Variants in SYNE1 observed in about 807,000 individuals in gnomAD.
SYNE1 encodes nesprin-1.
In SYNE1, 616 loss-of-function variants were observed where a neutral mutation model predicts 1,111.0. That is an observed-to-expected ratio of 0.55 (90% CI 0.52 to 0.59). SYNE1 has a LOEUF of 0.59. SYNE1 is among the 20% of genes least tolerant of loss of function. The probability of loss-of-function intolerance (pLI) is 0.00; values close to 1 mark genes in which losing one functional copy is unlikely to be tolerated. For synonymous variants in SYNE1, 3,855 were observed against 3,825.8 expected (o/e 1.01, Z -0.28); for missense variants, 10,006 against 10,417.0 (o/e 0.96, Z 1.72).
At chr6:152,502,564 A>C in intron 10 of SYNE1, 69 bp downstream of exon 10, 1 of 1,196,320 alleles carries the variant, frequency 8.4e-7, no homozygotes, top group South Asian at 1.2e-5. Context: ...TTTTGAGAAC[A>C]GTATACTCAA....
intron 4 of SYNE1, among the ~76,000 whole-genome samples, chr6:152,535,160 A>G (rs1471506164): frequency 6.6e-6 from 1 of 152,220 alleles, no homozygotes; most frequent in African/African-American, 2.4e-5. Context: ...TTGGACACAG[A>G]CATGCACAGA....
At chr6:152,243,312 A>T (rs2086241281) in intron 106 of SYNE1, among the ~76,000 whole-genome samples, 1 of 152,234 alleles carries the variant, frequency 6.6e-6, no homozygotes, top group Non-Finnish European at 1.5e-5. Flanking sequence ...AGAGCTAGAG[A>T]AATAGGGGAG....
chr6:152,310,437 C>A lies in SYNE1; in HGVS notation c.16978G>T (p.Val5660Phe). 1 of 1,614,182 alleles carries A rather than the reference C, an allele frequency of 6.2e-7. No individual in the cohort carries two copies. The highest frequency in any genetic ancestry group is 8.5e-7 in the Non-Finnish European group (1 of 1,180,038). ...TGCTCCTTGAGACTGAGACGTCCAA[C>A]TTCTGGAGAAGTCAGTGTTGCCTGG... ...QAQATLTSPE[V>F]GRLSLKEQLS... The change falls in exon 89 of 146, where the codon GTT (valine) becomes TTT (phenylalanine). Residue 5660 changes from valine (V) to phenylalanine (F), a missense_variant. Val to Phe is a conservative substitution (Grantham distance 50). Around this residue, in one of 7 missense-constraint regions of SYNE1, gnomAD observed 4,955 missense variants for 5,017.2 expected, o/e 0.99. Transcript: ENST00000367255.
At chr6:152,432,833 C>G (rs961713237) in intron 34 of SYNE1, among the ~76,000 whole-genome samples, 1 of 151,996 alleles carries the variant, frequency 6.6e-6, no homozygotes, top group African/African-American at 2.4e-5. Context: ...TCCATGGCCT[C>G]ACATCTATTT....
At chr6:152,314,991 C>CA (rs527582697) in intron 87 of SYNE1, among the ~76,000 whole-genome samples, 288 of 142,972 alleles carry the variant, frequency 2.0e-3, no homozygotes, top group African/African-American at 6.9e-3. Context: ...AATGCTGTCT[C>CA]AAAAAAGAAA....
chr6:152,482,905 C>G (rs538358019), intron 14 of SYNE1, among the ~76,000 whole-genome samples, 180 bp downstream of exon 14: 1 of 152,178 alleles, frequency 6.6e-6, no homozygotes, highest in Non-Finnish European at 1.5e-5. Flanking sequence ...CCACTGGAAC[C>G]GTCATTAACC....
intron 3 of SYNE1, chr6:152,546,890 A>C (rs1412399015): frequency 2.6e-5 from 4 of 152,310 alleles, no homozygotes; most frequent in African/African-American, 9.6e-5. Flanking sequence ...TGAATGAAAT[A>C]ACCATTTTTC....
chr6:152,362,133 G>A (rs1167270767), intron 64 of SYNE1, 37 bp downstream of exon 64: 1 of 1,614,136 alleles, frequency 6.2e-7, no homozygotes, highest in Non-Finnish European at 8.5e-7. Flanking sequence ...AAAGAAGCCT[G>A]TGAGAAAACA....
chr6:152,452,834 G>A (rs2098662263), intron 25 of SYNE1, among the ~76,000 whole-genome samples: 1 of 152,138 alleles, frequency 6.6e-6, no homozygotes, highest in African/African-American at 2.4e-5. Context: ...AAAGTCAGAC[G>A]GAAGCCCGCG....
chr6:152,460,170 G>A (rs1320120242), intron 21 of SYNE1, among the ~76,000 whole-genome samples: 1 of 152,196 alleles, frequency 6.6e-6, no homozygotes, highest in Non-Finnish European at 1.5e-5. Flanking sequence ...CTCAGGCTAA[G>A]ATGTGCAAGC....
chr6:152,246,898 C>A (rs1478381305), intron 105 of SYNE1, among the ~76,000 whole-genome samples: 1 of 151,926 alleles, frequency 6.6e-6, no homozygotes, highest in Non-Finnish European at 1.5e-5. Flanking sequence ...AACAAATGAC[C>A]CTGAAGGATC....
chr6:152,458,815 A>G lies in SYNE1; in HGVS notation c.2510T>C (p.Ile837Thr), dbSNP rs2098713777. 3 of 1,613,940 alleles carry G rather than the reference A, an allele frequency of 1.9e-6. No homozygotes were observed. Among genetic ancestry groups the G allele is most frequent in the African/African-American group, 1.3e-5 (1 of 74,916 alleles). Residue 837 changes from isoleucine to threonine, a missense_variant, in exon 22 of 146, where the codon ATT becomes ACT. Ile to Thr is a moderately conservative substitution (Grantham distance 89). Around this residue, in one of 7 missense-constraint regions of SYNE1, gnomAD observed 1,971 missense variants for 2,084.1 expected, o/e 0.95. Transcript: ENST00000367255. ...FYDSLGKINE[I>T]ITVLEREAQS... The stretch of plus-strand genomic sequence containing the variant: ...TGCCTCACGCTCAAGAACTGTGATA[A>G]TTTCATTGATTTTCCCAAGTGAGTC...
chr6:152,324,680 G>A (rs1017555604), intron 81 of SYNE1, among the ~76,000 whole-genome samples: 3 of 151,770 alleles, frequency 2.0e-5, no homozygotes, highest in Admixed American at 2.0e-4. Context: ...TGTAGTCCCA[G>A]CTACTCGCTA....
In SYNE1 at chr6:152,310,735, G is replaced by T; in HGVS notation, c.16849C>A (p.Arg5617=). 1 of 1,612,960 alleles carries T rather than the reference G, an allele frequency of 6.2e-7. No individual in the cohort carries two copies. The highest frequency in any genetic ancestry group is 8.5e-7 in the Non-Finnish European group (1 of 1,179,856). ...AELGRETEEL[R]QMIKIRLQNL... is the part of the protein sequence containing the mutation. ...TGCAAACGAATTTTGATCATCTGTC[G>T]CAACTCCTCAGTCTCCCGTCCCAGT... Residue 5617 remains arginine (R), a synonymous_variant, in exon 88 of 146, where the codon CGA becomes AGA. Coordinates refer to ENST00000367255, the MANE Select transcript of SYNE1 (RefSeq NM_182961.4).
At chr6:152,346,756 G>A (rs924851216) in intron 73 of SYNE1, among the ~76,000 whole-genome samples, 2 of 152,090 alleles carry the variant, frequency 1.3e-5, no homozygotes, top group Admixed American at 6.5e-5. Context: ...CTTGCAGTGA[G>A]CCGAGATCGC....
rs756496542 is a variant in SYNE1 at position 152,331,814 on chromosome 6, C to A, written c.12871G>T (p.Ala4291Ser). 5.0e-6 allele frequency: 8 copies of A among 1,614,054 alleles called. No homozygotes were observed. Among genetic ancestry groups the A allele is most frequent in the Middle Eastern group, 1.6e-4 (1 of 6,084 alleles). The change falls in exon 78 of 146, where the codon GCT becomes TCT. Residue 4291 changes from alanine (A) to serine (S), a missense_variant. By Grantham distance (99) the Ala-to-Ser change is moderately conservative (BLOSUM62 1). Around this residue, in one of 7 missense-constraint regions of SYNE1, gnomAD observed 4,955 missense variants for 5,017.2 expected, o/e 0.99. Coordinates refer to ENST00000367255, the MANE Select transcript of SYNE1 (RefSeq NM_182961.4). ...LALALQERKY[A>S]IEDLKDQKQK... Reference sequence around the variant, plus strand: ...TTTTGATCTTTCAGATCTTCAATAGCATACTTTCTCTCCTGCAATGCCAAT... The same window carrying A: ...TTTTGATCTTTCAGATCTTCAATAGAATACTTTCTCTCCTGCAATGCCAAT...
chr6:152,454,384 G>A (rs978118724), intron 24 of SYNE1, among the ~76,000 whole-genome samples: 3 of 152,118 alleles, frequency 2.0e-5, no homozygotes, highest in Admixed American at 1.3e-4. Flanking sequence ...TTATGAGGAG[G>A]GACACCAGAA....
chr6:152,294,716 G>C (rs2094783317), intron 93 of SYNE1, among the ~76,000 whole-genome samples: 1 of 151,766 alleles, frequency 6.6e-6, no homozygotes, highest in African/African-American at 2.4e-5. Flanking sequence ...TTTCCTAAAA[G>C]TATACACACA....
At position 152,526,282 on chromosome 6, in the gene SYNE1, G is replaced by C. The variant is rs1197641172; in HGVS notation, c.130-107C>G. The C allele has an allele frequency of 1.9e-5, 20 of 1,080,772 alleles. No individual in the cohort carries two copies. In the Middle Eastern group the frequency reaches 6.4e-4, roughly 35 times the overall value. 66.9% of individuals were successfully genotyped at this position (1,080,772 alleles called of 1,614,324 possible). ...TATGGTGGTGAAATTTGTAGGAGAG[G>C]CTTCTATATACTTTAATTCTTTATT... On this transcript the variant is annotated intron_variant, in intron 4 of 145. Coordinates refer to ENST00000367255, the MANE Select transcript of SYNE1 (RefSeq NM_182961.4).
Sources: gnomAD v4.1 joint callset for allele counts (sites outside exome capture counted in the v4.1 genomes callset) on GRCh38, gnomAD v4.1.1 for gene constraint, gnomAD v4.1.1 regional missense constraint, MANE v1.5 for transcripts, NCBI Gene and HGNC (gene_info 2026-07-23, HGNC 2026-07-21) for gene names.